MYH3: variants seen among roughly 807,000 people sequenced by gnomAD.
MYH3 encodes the protein myosin heavy chain 3, also known as myosin-3.
MYH3 carries 130 observed loss-of-function variants against 238.0 expected under a neutral mutation model. That is an observed-to-expected ratio of 0.55 (90% CI 0.47 to 0.63). The LOEUF (loss-of-function observed/expected upper bound fraction) is 0.63, where lower values mean the gene tolerates loss of function less well. Among genes scored for constraint, MYH3 ranks in the 30% least tolerant of loss-of-function variants. The pLI is 0.00. For synonymous variants in MYH3, 880 were observed against 924.1 expected (o/e 0.95, Z 0.86); for missense variants, 1,853 against 2,374.9 (o/e 0.78, Z 4.57).
chr17:10,636,648 G>T (rs1003640861), intron 28 of MYH3, among the ~76,000 whole-genome samples: 7 of 152,148 alleles, frequency 4.6e-5, no homozygotes, highest in Admixed American at 4.6e-4. Flanking sequence ...GGGTGCGGTG[G>T]CTCACGCCTG....
At chr17:10,677,681 A>G in the MYH3 span, 9 of 152,350 alleles carry the variant, frequency 5.9e-5, no homozygotes, top group South Asian at 2.1e-4. Context: ...ACATGAATAC[A>G]TTCATGCCTA....
Position 10,634,228 on chromosome 17 carries a change from A to G in MYH3, c.4357-46T>C, listed in dbSNP as rs1333157986. On this transcript the variant is annotated intron_variant, in intron 31 of 40. Transcript: ENST00000583535. ...TCTCTCCGTTTCTGAGCTCTCCTCT[A>G]GGTTTCTAACAAAATACTAAATAAC... 10 of 1,608,906 alleles carry G rather than the reference A, an allele frequency of 6.2e-6. No homozygotes were observed. In the East Asian group the frequency reaches 6.7e-5, roughly 11 times the overall value.
rs775534998 is a variant in MYH3, at chr17:10,629,672, G to A, written c.5721C>T (p.Ala1907=). The change falls in exon 40 of 41, where the codon GCC becomes GCT. Residue 1907 remains alanine, a synonymous_variant. Coordinates refer to ENST00000583535, the MANE Select transcript of MYH3 (RefSeq NM_002470.4). ...FRKAQHELEE[A]EERADIAESQ... The stretch of plus-strand genomic sequence containing the variant: ...ATTCTGCGATATCCGCACGTTCCTC[G>A]GCCTCCTCCAGCTCATGCTGAGCCT... The A allele has an allele frequency of 8.7e-6, 14 of 1,614,022 alleles. No homozygotes were observed. The highest frequency in any genetic ancestry group is 1.1e-5 in the Non-Finnish European group (13 of 1,180,046).
intron 14 of MYH3, among the ~76,000 whole-genome samples, chr17:10,643,902 G>T (rs2040569): frequency 0.63 from 96,217 of 151,870 alleles, 32,292 homozygotes; most frequent in Non-Finnish European, 0.77. Context: ...GCTCATGCCT[G>T]TAATCCCAAC....
intron 29 of MYH3, 42 bp downstream of exon 29, chr17:10,635,693 A>G: frequency 6.2e-7 from 1 of 1,612,378 alleles, no homozygotes; most frequent in Non-Finnish European, 8.5e-7. Flanking sequence ...TACAGGTGAT[A>G]TTTAAAAATA....
intron 30 of MYH3, 129 bp downstream of exon 30, chr17:10,635,238 C>T (rs575665936): frequency 6.7e-5 from 100 of 1,491,984 alleles, no homozygotes; most frequent in South Asian, 6.0e-4. Flanking sequence ...AATGTGCTAA[C>T]GCCAGGTCCC....
chr17:10,655,053 G>A lies in MYH3; in HGVS notation c.12C>T (p.Asp4=). MSS[D]TEMEVFGIAA... The stretch of plus-strand genomic sequence containing the variant: ...CTATGCCGAACACTTCCATTTCAGT[G>A]TCACTACTCATGGTGTCAGCTGGAA... The change falls in exon 3 of 41, where the codon GAC becomes GAT. Residue 4 remains aspartate (D), a synonymous_variant. Transcript: ENST00000583535. The A allele has an allele frequency of 6.2e-7, 1 of 1,614,122 alleles. No individual in the cohort carries two copies. Among genetic ancestry groups the A allele is most frequent in the Non-Finnish European group, 8.5e-7 (1 of 1,180,020 alleles).
At chr17:10,647,653 T>C (rs905392022) in intron 8 of MYH3, among the ~76,000 whole-genome samples, 2 of 152,230 alleles carry the variant, frequency 1.3e-5, no homozygotes, top group African/African-American at 4.8e-5. Context: ...CAAGTGATTC[T>C]CCTGCCTCAG....
chr17:10,633,756 C>A (rs746767338), intron 32 of MYH3, 41 bp from the exon 33 acceptor site: 1 of 1,612,212 alleles, frequency 6.2e-7, no homozygotes, highest in African/African-American at 1.3e-5. Context: ...AGCGCCTCTG[C>A]GTGGGTTTCC....
Position 10,642,489 on chromosome 17 carries a change from C to A in MYH3, c.1816G>T (p.Val606Leu). Residue 606 changes from valine (V) to leucine (L), a missense_variant, in exon 16 of 41, where the codon GTG becomes TTG. Physicochemically the swap from Val to Leu is conservative, Grantham distance 32. Transcript: ENST00000583535. This position sits in a 1 kb window ranked among gnomAD's most constrained non-coding sequence, Gnocchi z 5.4. ...GAAGACTTCTGGTACAGCCCAACCA[C>A]AGTCTCGTTCAGAGGGTCCTTGTTC... ...EKNKDPLNET[V>L]VGLYQKSSNR... is the part of the protein sequence containing the mutation. The A allele has an allele frequency of 6.2e-7, 1 of 1,614,212 alleles. No individual in the cohort carries two copies. The highest frequency in any genetic ancestry group is 8.5e-7 in the Non-Finnish European group (1 of 1,180,028).
intron 30 of MYH3, 51 bp from the exon 31 acceptor site, chr17:10,635,074 G>C: frequency 6.4e-7 from 1 of 1,560,282 alleles, no homozygotes; most frequent in Non-Finnish European, 8.8e-7. Flanking sequence ...CCATCCACTT[G>C]AACATCACTA....
intron 26 of MYH3, 21 bp downstream of exon 26, chr17:10,638,852 A>G (rs2074242520): frequency 6.2e-7 from 1 of 1,609,758 alleles, no homozygotes; most frequent in African/African-American, 1.3e-5. Flanking sequence ...CATGGAAGAG[A>G]GAAATGCAGA....
At chr17:10,630,585 C>T (rs984610042) in intron 36 of MYH3, 127 bp from the exon 37 acceptor site, 8 of 1,414,518 alleles carry the variant, frequency 5.7e-6, no homozygotes, top group African/African-American at 1.4e-5. Flanking sequence ...CGCGGTGGCT[C>T]ACGTCTGTAA....
upstream of MYH3, among the ~76,000 whole-genome samples, chr17:10,660,733 C>A (rs561855957): frequency 1.6e-4 from 24 of 150,682 alleles, no homozygotes; most frequent in Admixed American, 1.5e-3. Context: ...ATAATCCCAG[C>A]ACTTTGGGAG....
chr17:10,651,700 T>A lies in MYH3; in HGVS notation c.349-32A>T, dbSNP rs769184613. The A allele has an allele frequency of 2.5e-6, 4 of 1,609,780 alleles. No homozygotes were observed. The African/African-American group carries it at 4.0e-5, about 16-fold the overall frequency. ...GAGGAAAAACATATACGTGCGTATATGTATGTATGTGCATATGGAAAACCC... is the reference window on the plus strand; with the variant it reads ...GAGGAAAAACATATACGTGCGTATAAGTATGTATGTGCATATGGAAAACCC... On this transcript the variant is annotated intron_variant, in intron 4 of 40. Transcript: ENST00000583535.
upstream of MYH3, among the ~76,000 whole-genome samples, chr17:10,661,989 T>C (rs2074483485): frequency 2.6e-5 from 4 of 152,052 alleles, no homozygotes; most frequent in South Asian, 4.1e-4. Flanking sequence ...AATTCAACTA[T>C]ATTATGCACC....
rs757927582 is a variant in MYH3, at chr17:10,652,557, C to G, written c.211G>C (p.Val71Leu). The change falls in exon 4 of 41, where the codon GTG (valine) becomes CTG (leucine). Residue 71 changes from valine to leucine, a missense_variant. Around this residue, in one of 3 missense-constraint regions of MYH3, gnomAD observed 131 missense variants for 123.5 expected, o/e 1.06. Transcript: ENST00000583535. The part of the protein sequence containing the change: ...TVETEDNRTL[V>L]VKPEDVYAMN... ...GCGTACACATCCTCTGGTTTGACCA[C>G]CAGGGTCTAAAAAGGAAGAGGCACA... 11 of 1,609,616 alleles carry G rather than the reference C, an allele frequency of 6.8e-6. No homozygotes were observed. Among genetic ancestry groups the G allele is most frequent in the African/African-American group, 1.3e-5 (1 of 74,440 alleles).
the MYH3 span, among the ~76,000 whole-genome samples, chr17:10,664,242 T>C: frequency 1.3e-5 from 2 of 152,226 alleles, no homozygotes; most frequent in Admixed American, 6.6e-5. Context: ...CTAAAGATAT[T>C]GTGAGCATTG....
At chr17:10,628,716 G>A in intron 40 of MYH3, 37 bp from the exon 41 acceptor site, 2 of 1,613,170 alleles carry the variant, frequency 1.2e-6, no homozygotes, top group Non-Finnish European at 1.7e-6. Context: ...CAAGTCGGGT[G>A]GCAGAGACAC....
Sources: allele counts gnomAD v4.1 joint callset (sites outside exome capture counted in the v4.1 genomes callset), GRCh38; gene constraint gnomAD v4.1.1; regional missense constraint gnomAD v4.1.1; non-coding constraint Gnocchi (gnomAD v3.1); transcripts MANE v1.5; gene names NCBI Gene and HGNC (gene_info 2026-07-23, HGNC 2026-07-21).